RAD51B: variants seen among roughly 807,000 people sequenced by gnomAD.
The protein encoded by RAD51B is DNA repair protein RAD51 homolog 2.
Under a neutral mutation model 42.2 loss-of-function variants are expected in RAD51B, and 38 were observed. That is an observed-to-expected ratio of 0.90 (90% confidence interval 0.70 to 1.18). RAD51B has a LOEUF of 1.18. RAD51B is among the 50% of genes most tolerant of loss of function. The pLI is 0.00. For missense variants in RAD51B, 373 were observed against 400.7 expected (o/e 0.93, Z 0.59); for synonymous variants, 154 against 145.2 (o/e 1.06, Z -0.43).
At chr14:68,463,558 C>T (rs1302470781) in intron 9 of RAD51B, among the ~76,000 whole-genome samples, 2 of 152,018 alleles carry the variant, frequency 1.3e-5, no homozygotes, top group Non-Finnish European at 2.9e-5. Flanking sequence ...TGCATCTTCA[C>T]ATAATATGTA....
intron 10 of RAD51B, among the ~76,000 whole-genome samples, chr14:68,571,437 C>T (rs796531301): frequency 1.4e-4 from 21 of 152,334 alleles, no homozygotes; most frequent in African/African-American, 5.1e-4. Flanking sequence ...TTTCCAGCTT[C>T]TAGAGGCCGC....
Position 68,651,231 on chromosome 14 carries a change from G to A in RAD51B, c.*11+375G>A, listed in dbSNP as rs556450228. On this transcript the variant is annotated intron_variant, in intron 11 of 11. Transcript: ENST00000488612. ...CTGTCACCCATGCTGGAGTGCAATG[G>A]AGCAATCATGGCTCACTGCAACCTC... 2.6e-4 allele frequency among the ~76,000 whole-genome samples: 39 copies of A among 152,192 alleles called. No homozygotes were observed. The South Asian group carries it at 8.1e-3, about 32-fold the overall frequency.
chr14:68,034,480 G>C lies in RAD51B; in HGVS notation c.756+147276G>C, dbSNP rs542284291. Among the ~76,000 whole-genome samples, 3 of 152,176 alleles carry C rather than the reference G, an allele frequency of 2.0e-5. No homozygotes were observed. In the South Asian group the frequency reaches 6.2e-4, roughly 32 times the overall value. ...GTCAGAGTCTCACTGTGTTTCCAAG[G>C]CTGGTCTCGAACTCTTGGGCTCAAG... On this transcript the variant is annotated intron_variant, in intron 7 of 10. Coordinates refer to ENST00000471583, the MANE Select transcript of RAD51B (RefSeq NM_133510.4).
At chr14:68,248,566 A>G (rs2080550018) in intron 7 of RAD51B, among the ~76,000 whole-genome samples, 1 of 151,660 alleles carries the variant, frequency 6.6e-6, no homozygotes, top group African/African-American at 2.4e-5. Flanking sequence ...TTGTTTTTAC[A>G]TGTAACACTA....
intron 8 of RAD51B, chr14:68,387,272 C>G (rs577055285): frequency 6.6e-6 from 1 of 152,182 alleles, no homozygotes; most frequent in South Asian, 2.1e-4. Context: ...TAACTTGTAG[C>G]GCCTGCATCT....
chr14:67,838,919 CT>C (rs1566916939), intron 4 of RAD51B, among the ~76,000 whole-genome samples: 2 of 151,346 alleles, frequency 1.3e-5, no homozygotes, highest in African/African-American at 4.8e-5. Flanking sequence ...TTATCAAAAA[CT>C]TTTTTTTCTG....
chr14:68,602,228 C>T (rs1458476282), intron 10 of RAD51B, among the ~76,000 whole-genome samples: 1 of 151,948 alleles, frequency 6.6e-6, no homozygotes. Context: ...GTCTGGTCCC[C>T]AGACTCAGTT....
intron 9 of RAD51B, among the ~76,000 whole-genome samples, chr14:68,429,179 A>G (rs2084935786): frequency 6.6e-6 from 1 of 152,110 alleles, no homozygotes; most frequent in Admixed American, 6.5e-5. Flanking sequence ...GTTGGTTCCA[A>G]GTCTTTGCTA....
At chr14:68,427,583 G>A (rs1177253501) in intron 9 of RAD51B, among the ~76,000 whole-genome samples, 1 of 152,206 alleles carries the variant, frequency 6.6e-6, no homozygotes, top group Non-Finnish European at 1.5e-5. Flanking sequence ...GAATGGGAAT[G>A]TCTATCCTAT....
rs9323516 is a variant in RAD51B at position 68,570,873 on chromosome 14, C to CCACACACACACACACACACA, written c.1037-23607_1037-23588dup. ...GGTCTTGGGCTCAAAGGCTGGAGCGCCACACACACACACACACACACACAT... is the reference window on the plus strand; with the variant it reads ...GGTCTTGGGCTCAAAGGCTGGAGCGCCACACACACACACACACACACACACACACACACACACACACACAT... On this transcript the variant is annotated intron_variant, in intron 10 of 10. Coordinates refer to the RAD51B transcript ENST00000487270. Among the ~76,000 whole-genome samples the CCACACACACACACACACACA allele has an allele frequency of 1.8e-3, 271 of 150,344 alleles. 1 individual carries two copies. The highest frequency in any genetic ancestry group is 6.0e-3 in the African/African-American group (246 of 40,848).
chr14:68,675,749 G>A (rs1228239294), intron 11 of RAD51B, among the ~76,000 whole-genome samples: 1 of 152,196 alleles, frequency 6.6e-6, no homozygotes, highest in Non-Finnish European at 1.5e-5. Flanking sequence ...ATTGCCTTGG[G>A]CCTTCAGAGC....
At chr14:68,084,850 TA>T (rs199797675) in intron 7 of RAD51B, among the ~76,000 whole-genome samples, 15 of 152,046 alleles carry the variant, frequency 9.9e-5, no homozygotes, top group Admixed American at 5.2e-4. Context: ...GGCAGTATGT[TA>T]AAAAAAATCC....
chr14:68,238,185 T>A (rs528243903), intron 7 of RAD51B, among the ~76,000 whole-genome samples: 1 of 152,330 alleles, frequency 6.6e-6, no homozygotes, highest in South Asian at 2.1e-4. Context: ...TTGCCAACAC[T>A]TTTTATTGTC....
At chr14:68,439,153 T>TAC (rs10565900) in intron 9 of RAD51B, among the ~76,000 whole-genome samples, 17,689 of 119,094 alleles carry the variant, frequency 0.15, 1,173 homozygotes, top group Middle Eastern at 0.29. Context: ...TGTATTTTTG[T>TAC]ACACACACAC....
intron 7 of RAD51B, among the ~76,000 whole-genome samples, chr14:68,174,216 C>G (rs894888123): frequency 6.6e-6 from 1 of 151,876 alleles, no homozygotes; most frequent in Admixed American, 6.6e-5. Context: ...ACAGGATAGT[C>G]AAGGGAATAA....
intron 7 of RAD51B, among the ~76,000 whole-genome samples, chr14:67,920,149 T>A (rs971222283): frequency 3.9e-5 from 6 of 152,184 alleles, no homozygotes; most frequent in Non-Finnish European, 7.4e-5. Context: ...GAAAAAACTT[T>A]AGTTGTTAAT....
chr14:68,345,659 CTT>C (rs756255182), intron 8 of RAD51B, among the ~76,000 whole-genome samples: 27 of 141,998 alleles, frequency 1.9e-4, no homozygotes, highest in South Asian at 2.3e-4. Context: ...GTGTTTCTTT[CTT>C]TTTTTTTTTT....
intron 7 of RAD51B, among the ~76,000 whole-genome samples, chr14:68,263,243 CA>C (rs1470312242): frequency 6.6e-6 from 1 of 152,176 alleles, no homozygotes; most frequent in South Asian, 2.1e-4. Context: ...TGTTTGAATA[CA>C]AAAAATTCTA....
At chr14:68,013,111 G>A (rs1404727137) in intron 7 of RAD51B, among the ~76,000 whole-genome samples, 1 of 152,104 alleles carries the variant, frequency 6.6e-6, no homozygotes, top group Admixed American at 6.6e-5. Flanking sequence ...TCAAAGGCTA[G>A]GCACTATAAT....
Sources: allele counts gnomAD v4.1 joint callset (sites outside exome capture counted in the v4.1 genomes callset), GRCh38; gene constraint gnomAD v4.1.1; transcripts MANE v1.5; gene names NCBI Gene and HGNC (gene_info 2026-07-23, HGNC 2026-07-21).